Variants in COL4A6 observed in about 807,000 individuals in gnomAD.
The protein encoded by COL4A6 is collagen type IV alpha 6 chain, also known as collagen alpha-6(IV) chain.
A neutral mutation model predicts 126.7 loss-of-function variants in COL4A6; 59 were observed. That is an observed-to-expected ratio of 0.47 (90% CI 0.38 to 0.58). COL4A6 has a LOEUF of 0.58. Among genes scored for constraint, COL4A6 ranks in the 20% least tolerant of loss-of-function variants. COL4A6 has a pLI of 0.00. For missense variants in COL4A6, 1,285 were observed against 1,337.3 expected (o/e 0.96, Z 0.61); for synonymous variants, 547 against 496.6 (o/e 1.10, Z -1.35).
Position 108,175,785 on chromosome X carries a change from G to A in COL4A6, c.2699C>T (p.Ser900Phe), listed in dbSNP as rs1277064928. The A allele has an allele frequency of 8.4e-7, 1 of 1,192,072 alleles. No individual in the cohort carries two copies. The highest frequency in any genetic ancestry group is 1.9e-5 in the South Asian group (1 of 53,672). The change falls in exon 29 of 45, where the codon TCT becomes TTT. Residue 900 changes from serine (S) to phenylalanine (F), a missense_variant. Coordinates refer to ENST00000334504, the MANE Select transcript of COL4A6 (RefSeq NM_033641.4). ...TCCTGGAAAACCTACGAATCCAACA[G>A]ACCCCTTCTCTCCTGTTGAAAAACA... ...ALSGPKGEKG[S>F]VGFVGFPGIP...
chrX:108,349,234 T>C (rs1474311832), intron 2 of COL4A6, among the ~76,000 whole-genome samples: 1 of 111,874 alleles, frequency 8.9e-6, no homozygotes, highest in Non-Finnish European at 1.9e-5. Flanking sequence ...AGTTCAGAGG[T>C]TAGAGTCAAC....
At chrX:108,167,712 G>C (rs2034174942) in intron 37 of COL4A6, among the ~76,000 whole-genome samples, 1 of 111,232 alleles carries the variant, frequency 9.0e-6, no homozygotes, top group Non-Finnish European at 1.9e-5. Flanking sequence ...AGGTTCCTGT[G>C]GGGGTGGGGT....
chrX:108,308,035 T>G (rs2038667637), intron 3 of COL4A6, among the ~76,000 whole-genome samples: 1 of 112,087 alleles, frequency 8.9e-6, no homozygotes, highest in Non-Finnish European at 1.9e-5. Context: ...CAAATACATT[T>G]TTAGGAACAT....
chrX:108,324,379 C>G (rs969498580), intron 2 of COL4A6, among the ~76,000 whole-genome samples: 2 of 111,918 alleles, frequency 1.8e-5, no homozygotes. Context: ...ATTTAACACA[C>G]AAACAGGCAA....
chrX:108,301,938 T>C (rs2038500486), intron 3 of COL4A6, among the ~76,000 whole-genome samples: 1 of 111,818 alleles, frequency 8.9e-6, no homozygotes, highest in African/African-American at 3.3e-5. Context: ...ATGACTATGC[T>C]ATAAGGAAAG....
intron 3 of COL4A6, among the ~76,000 whole-genome samples, chrX:108,298,661 T>G (rs2038397588): frequency 1.8e-5 from 2 of 110,146 alleles, no homozygotes; most frequent in Non-Finnish European, 1.9e-5. Flanking sequence ...TGGGAAACTC[T>G]CAAGGAGGCC....
chrX:108,382,916 C>A (rs2040589474), intron 2 of COL4A6, among the ~76,000 whole-genome samples: 2 of 105,833 alleles, frequency 1.9e-5, no homozygotes, highest in South Asian at 8.8e-4. Flanking sequence ...CCACTGTACT[C>A]CAGTCTGGGC....
intron 3 of COL4A6, among the ~76,000 whole-genome samples, chrX:108,243,450 G>A (rs964189223): frequency 9.0e-6 from 1 of 111,040 alleles, no homozygotes; most frequent in Non-Finnish European, 1.9e-5. Flanking sequence ...GCCATGTGAG[G>A]ACACAGCATA....
chrX:108,247,635 A>G (rs2036748301), intron 3 of COL4A6, among the ~76,000 whole-genome samples: 1 of 109,338 alleles, frequency 9.1e-6, no homozygotes, highest in Admixed American at 9.8e-5. Flanking sequence ...AGATCTGCCT[A>G]TGCTTCCTTT....
At chrX:108,213,099 G>A (rs761479847) in intron 6 of COL4A6, among the ~76,000 whole-genome samples, 3 of 111,390 alleles carry the variant, frequency 2.7e-5, no homozygotes, top group Non-Finnish European at 5.7e-5. Context: ...TGCCAATCTG[G>A]GGCTTGTGCT....
chrX:108,294,417 G>T lies in COL4A6; in HGVS notation c.144+16331C>A, dbSNP rs866515276. Among the ~76,000 whole-genome samples the T allele has an allele frequency of 4.9e-3, 429 of 87,219 alleles. 2 individuals carry two copies. The East Asian group carries it at 0.066, about 13-fold the overall frequency. The allele number at this position is 87,219 out of a possible 115,157, so 75.7% of individuals were successfully genotyped here. A position where few individuals can be genotyped will look rare whatever the true frequency, so the allele number is the denominator to read the frequency against. ...CAATTGTGTTTTTTTTTTTTTTGGTGTGTGTGTGTGTGTGTATGTGGTGTA... is the reference window on the plus strand; with the variant it reads ...CAATTGTGTTTTTTTTTTTTTTGGTTTGTGTGTGTGTGTGTATGTGGTGTA... On this transcript the variant is annotated intron_variant, in intron 3 of 44. Transcript: ENST00000334504.
intron 2 of COL4A6, among the ~76,000 whole-genome samples, chrX:108,401,922 C>A (rs1182128393): frequency 2.7e-5 from 3 of 111,324 alleles, no homozygotes; most frequent in Non-Finnish European, 1.9e-5. Context: ...TTATGCATGT[C>A]TTAATGTTAA....
chrX:108,421,539 T>C (rs145768141), intron 2 of COL4A6, among the ~76,000 whole-genome samples: 70 of 112,049 alleles, frequency 6.2e-4, no homozygotes, highest in African/African-American at 2.0e-3. Context: ...ACTGGTTAGA[T>C]AGAAAGCTAG....
intron 9 of COL4A6, 61 bp downstream of exon 9, chrX:108,206,457 T>C (rs1397691967): frequency 9.2e-7 from 1 of 1,090,215 alleles, no homozygotes; most frequent in East Asian, 3.0e-5. Flanking sequence ...GAATCCATAG[T>C]ATGTAGGGAA....
intron 3 of COL4A6, among the ~76,000 whole-genome samples, chrX:108,248,146 A>G (rs2036761092): frequency 9.0e-6 from 1 of 111,482 alleles, no homozygotes; most frequent in African/African-American, 3.3e-5. Context: ...AACTATCAGA[A>G]CTATTTTGTT....
intron 2 of COL4A6, among the ~76,000 whole-genome samples, chrX:108,387,771 A>T (rs2040736029): frequency 8.9e-6 from 1 of 112,069 alleles, no homozygotes; most frequent in Non-Finnish European, 1.9e-5. Context: ...GGCTGGTGAG[A>T]TAGGACATCC....
chrX:108,389,922 C>T (rs896158234), intron 2 of COL4A6, among the ~76,000 whole-genome samples: 7 of 111,219 alleles, frequency 6.3e-5, no homozygotes, highest in Middle Eastern at 4.6e-3. Flanking sequence ...AAGGCAGGCC[C>T]GGTGGTGACA....
intron 3 of COL4A6, among the ~76,000 whole-genome samples, chrX:108,283,562 A>T (rs1416611721): frequency 1.2e-5 from 1 of 82,244 alleles, no homozygotes; most frequent in Admixed American, 1.6e-4. Flanking sequence ...CTTTGGCCAG[A>T]GGGTGATCCC....
intron 20 of COL4A6, among the ~76,000 whole-genome samples, chrX:108,189,451 G>T (rs1254924727): frequency 2.7e-5 from 3 of 111,985 alleles, no homozygotes; most frequent in Non-Finnish European, 5.6e-5. Context: ...AATGAAGCTT[G>T]ATAATCCCTA....
Sources: gnomAD v4.1 joint callset for allele counts (sites outside exome capture counted in the v4.1 genomes callset) on GRCh38, gnomAD v4.1.1 for gene constraint, MANE v1.5 for transcripts, NCBI Gene and HGNC (gene_info 2026-07-23, HGNC 2026-07-21) for gene names.